ORC4: variants seen among roughly 807,000 people sequenced by gnomAD.
ORC4 encodes the protein origin recognition complex, subunit 4 homolog.
ORC4 carries 55 observed loss-of-function variants against 63.9 expected under a neutral mutation model. The observed-to-expected ratio is 0.86, with a 90% confidence interval of 0.69 to 1.08. The LOEUF (loss-of-function observed/expected upper bound fraction) is 1.08. ORC4 is among the 50% of genes least tolerant of loss of function. The probability of loss-of-function intolerance (pLI) is 0.00; values close to 1 mark genes in which losing one functional copy is unlikely to be tolerated. For missense variants in ORC4, 511 were observed against 504.4 expected, an observed-to-expected ratio of 1.01 and a Z score of -0.13; for synonymous variants, 150 against 168.5, an observed-to-expected ratio of 0.89 and a Z score of 0.85.
intron 1 of ORC4, among the ~76,000 whole-genome samples, chr2:147,994,384 G>A (rs1259951825): frequency 1.3e-5 from 2 of 152,168 alleles, no homozygotes; most frequent in Admixed American, 6.5e-5. Context: ...AGACCCAGGA[G>A]AACCAACACG....
Position 147,973,481 on chromosome 2 carries a change from T to G in ORC4, c.101A>C (p.His34Pro). 6.2e-7 allele frequency: 1 copy of G among 1,607,000 alleles called. No homozygotes were observed. The highest frequency in any genetic ancestry group is 8.5e-7 in the Non-Finnish European group (1 of 1,174,108). The stretch of plus-strand genomic sequence containing the variant: ...TACTTGCACTCCAAATAGGTTACTA[T>G]GTGGACTCTGACGACAAAATCTTTC... ...LRERFCRQSP[H>P]SNLFGVQVQY... is the part of the protein sequence containing the mutation. Residue 34 changes from histidine to proline, a missense_variant, in exon 3 of 14, where the codon CAT (histidine) becomes CCT (proline). By Grantham distance (77) the His-to-Pro change is moderately conservative. Coordinates refer to ENST00000392857, the MANE Select transcript of ORC4 (RefSeq NM_181741.4).
intron 1 of ORC4, among the ~76,000 whole-genome samples, chr2:148,018,583 T>C (rs1249002631): frequency 1.4e-5 from 1 of 69,494 alleles, no homozygotes; most frequent in Non-Finnish European, 3.1e-5. Flanking sequence ...CTATACTTAT[T>C]ATACTATAGA....
chr2:147,988,405 G>T (rs1054217738), intron 1 of ORC4, among the ~76,000 whole-genome samples: 1 of 151,614 alleles, frequency 6.6e-6, no homozygotes, highest in Non-Finnish European at 1.5e-5. Context: ...TGTCGCCCTG[G>T]TGGGAGTGCA....
At chr2:147,956,083 T>C (rs1689234617) in intron 6 of ORC4, among the ~76,000 whole-genome samples, 1 of 152,136 alleles carries the variant, frequency 6.6e-6, no homozygotes, top group Non-Finnish European at 1.5e-5. Context: ...CCCATTAAAA[T>C]ATTTGTTTCA....
intron 1 of ORC4, among the ~76,000 whole-genome samples, chr2:148,013,947 C>G (rs1165564333): frequency 6.6e-6 from 1 of 152,044 alleles, no homozygotes; most frequent in East Asian, 1.9e-4. Context: ...AGAAACAAAC[C>G]ATACACCAAG....
In ORC4 at chr2:147,960,838, A is replaced by C. The variant is rs1458318178; in HGVS notation, c.226-1972T>G. Among the ~76,000 whole-genome samples the C allele has an allele frequency of 2.0e-5, 3 of 152,178 alleles. No individual in the cohort carries two copies. The South Asian group carries it at 6.2e-4, about 31-fold the overall frequency. On this transcript the variant is annotated intron_variant, in intron 4 of 13. Coordinates refer to ENST00000392857, the MANE Select transcript of ORC4 (RefSeq NM_181741.4). ...CAGGAGGTTGAGGCTTTAGTGAGCT[A>C]TGATTGAGCCGCTGGGCGCCAGCAT...
intron 1 of ORC4, among the ~76,000 whole-genome samples, chr2:147,987,515 C>T (rs1264522240): frequency 3.3e-5 from 5 of 151,602 alleles, no homozygotes; most frequent in African/African-American, 1.2e-4. Context: ...AACCATGTAC[C>T]TCAGCTGGAT....
upstream of ORC4, chr2:148,021,477 G>GCTGTTGCTGCTGCTGCTGCTA: frequency 1.7e-6 from 1 of 578,714 alleles, no homozygotes; most frequent in Non-Finnish European, 3.3e-6. Flanking sequence ...TGCTGCTGCT[G>GCTGTTGCTGCTGCTGCTGCTA]CTGTTGCTGC....
chr2:147,955,156 A>G (rs1689174786), intron 7 of ORC4, among the ~76,000 whole-genome samples, 191 bp downstream of exon 7: 2 of 152,096 alleles, frequency 1.3e-5, no homozygotes, highest in South Asian at 4.1e-4. Context: ...GAATAAAGAT[A>G]AGAAACCAAA....
chr2:148,021,358 C>T (rs1325262834), upstream of ORC4: 1 of 439,528 alleles, frequency 2.3e-6, no homozygotes, highest in East Asian at 6.0e-5. Flanking sequence ...CCCCCTCACC[C>T]CTCCAACTCG....
intron 7 of ORC4, among the ~76,000 whole-genome samples, chr2:147,954,244 A>C (rs1474131074): frequency 2.0e-5 from 3 of 152,186 alleles, no homozygotes; most frequent in Non-Finnish European, 4.4e-5. Context: ...GCATAACATA[A>C]ACATTACCAC....
intron 1 of ORC4, among the ~76,000 whole-genome samples, chr2:148,016,515 T>G (rs1189996258): frequency 2.0e-5 from 3 of 152,176 alleles, no homozygotes; most frequent in Non-Finnish European, 2.9e-5. Context: ...ACTTCAAAAG[T>G]TGAACGAACT....
At position 147,935,412 on chromosome 2, in the gene ORC4, G is replaced by GTT; in HGVS notation, c.*96_*97dup. The GTT allele has an allele frequency of 1.1e-6, 1 of 911,816 alleles. No homozygotes were observed. Among genetic ancestry groups the GTT allele is most frequent in the Non-Finnish European group, 1.8e-6 (1 of 558,040 alleles). 56.5% of individuals were successfully genotyped at this position (911,816 alleles called of 1,614,324 possible). A position where few individuals can be genotyped will look rare whatever the true frequency, so the allele number is the denominator to read the frequency against. On this transcript the variant is annotated 3_prime_UTR_variant, in exon 14 of 14. Coordinates refer to ENST00000392857, the MANE Select transcript of ORC4 (RefSeq NM_181741.4). ...GCAAGTCTCACATAAATACAAGAAT[G>GTT]TTTATAGAATGTTTAGCATATCATG...
chr2:147,938,552 T>C (rs1296268269), intron 11 of ORC4, 159 bp from the exon 12 acceptor site: 1 of 596,796 alleles, frequency 1.7e-6, no homozygotes, highest in Non-Finnish European at 3.0e-6. Flanking sequence ...TCTATATAAA[T>C]TTAAGTTACT....
At chr2:147,978,100 C>T (rs1408929131) in intron 1 of ORC4, among the ~76,000 whole-genome samples, 2 of 152,116 alleles carry the variant, frequency 1.3e-5, no homozygotes, top group Non-Finnish European at 2.9e-5. Flanking sequence ...TGGACAGCCC[C>T]ATCTCCCTCC....
upstream of ORC4, chr2:148,021,474 GCTGCTGTTGCTGCTGCTGCTGCTA>G (rs1693721661): frequency 5.2e-6 from 3 of 578,510 alleles, no homozygotes; most frequent in Non-Finnish European, 1.0e-5. Flanking sequence ...TGCTGCTGCT[GCTGCTGTTGCTGCTGCTGCTGCTA>G]CTGCTGCTGC....
chr2:147,999,917 T>C (rs370049824), intron 1 of ORC4, among the ~76,000 whole-genome samples: 1 of 151,866 alleles, frequency 6.6e-6, no homozygotes. Context: ...CAAACAATAA[T>C]TTTAATTCAT....
Position 147,948,044 on chromosome 2 carries a change from A to G in ORC4, c.762+7T>C. 2 of 1,606,116 alleles carry G rather than the reference A, an allele frequency of 1.2e-6. No homozygotes were observed. The highest frequency in any genetic ancestry group is 1.7e-6 in the Non-Finnish European group (2 of 1,173,164). On this transcript the variant is annotated splice_region_variant and intron_variant, in intron 9 of 13. Coordinates refer to ENST00000392857, the MANE Select transcript of ORC4 (RefSeq NM_181741.4). ...GGAACATTTAGCTTTATTGCCTTTTAAGATACCTGAACATTTTCATTCCAC... is the reference window on the plus strand; with the variant it reads ...GGAACATTTAGCTTTATTGCCTTTTGAGATACCTGAACATTTTCATTCCAC...
chr2:147,999,901 C>CA (rs1558872527), intron 1 of ORC4, among the ~76,000 whole-genome samples: 4 of 151,634 alleles, frequency 2.6e-5, no homozygotes. Flanking sequence ...CAATAAATTT[C>CA]AAAACCAAAC....
Sources: allele counts gnomAD v4.1 joint callset (sites outside exome capture counted in the v4.1 genomes callset), GRCh38; gene constraint gnomAD v4.1.1; transcripts MANE v1.5; gene names NCBI Gene and HGNC (gene_info 2026-07-23, HGNC 2026-07-21).